ACTR3C: variants seen among roughly 807,000 people sequenced by gnomAD.
ACTR3C encodes actin-related protein 3C.
A neutral mutation model predicts 26.3 loss-of-function variants in ACTR3C; 18 were observed. The observed-to-expected ratio is 0.68, with a 90% CI of 0.47 to 1.01. ACTR3C has a LOEUF of 1.01. ACTR3C is among the 50% of genes least tolerant of loss of function. The probability of loss-of-function intolerance (pLI) is 0.00; values close to 1 mark genes in which losing one functional copy is unlikely to be tolerated. For missense variants in ACTR3C, 184 were observed against 250.7 expected, an observed-to-expected ratio of 0.73 and a Z score of 1.80; for synonymous variants, 55 against 94.5, an observed-to-expected ratio of 0.58 and a Z score of 2.42.
chr7:149,949,180 T>TTG, the ACTR3C span, among the ~76,000 whole-genome samples: 2 of 142,692 alleles, frequency 1.4e-5, no homozygotes, highest in East Asian at 1.9e-4. Flanking sequence ...AGGTATGTGT[T>TTG]TGTGTGTGTA....
chr7:150,312,306 G>C (rs906651268), intron 1 of ACTR3C, among the ~76,000 whole-genome samples: 11 of 152,246 alleles, frequency 7.2e-5, no homozygotes, highest in African/African-American at 2.6e-4. Flanking sequence ...AGGAGACAAA[G>C]ATTATTTTAC....
chr7:150,158,399 C>G, the ACTR3C span, among the ~76,000 whole-genome samples: 1 of 152,144 alleles, frequency 6.6e-6, no homozygotes, highest in South Asian at 2.1e-4. Flanking sequence ...AACTGCACTC[C>G]CATGCTCACT....
chr7:150,043,291 G>T, the ACTR3C span, among the ~76,000 whole-genome samples: 4 of 151,370 alleles, frequency 2.6e-5, no homozygotes, highest in African/African-American at 9.7e-5. Context: ...GCCAGTGGGG[G>T]AAGAGGGGCT....
chr7:149,887,848 C>A, the ACTR3C span, among the ~76,000 whole-genome samples: 1 of 152,172 alleles, frequency 6.6e-6, no homozygotes, highest in Non-Finnish European at 1.5e-5. Flanking sequence ...ATAGTGAATA[C>A]GTCTCAAGAG....
the ACTR3C span, among the ~76,000 whole-genome samples, chr7:149,882,969 C>G: frequency 6.6e-6 from 1 of 152,208 alleles, no homozygotes; most frequent in Non-Finnish European, 1.5e-5. Context: ...CCTGATGATG[C>G]CATTTCAAAG....
the ACTR3C span, among the ~76,000 whole-genome samples, chr7:150,114,551 C>A: frequency 6.6e-6 from 1 of 151,774 alleles, no homozygotes; most frequent in African/African-American, 2.4e-5. Context: ...CCGAGGAAGA[C>A]GTGATTGCAT....
chr7:150,308,064 C>T (rs773192861), intron 1 of ACTR3C, among the ~76,000 whole-genome samples: 26 of 152,092 alleles, frequency 1.7e-4, no homozygotes, highest in South Asian at 1.2e-3. Context: ...CTAATCACTG[C>T]GGGGACGCCT....
chr7:150,148,480 C>T, the ACTR3C span, among the ~76,000 whole-genome samples: 4 of 151,248 alleles, frequency 2.6e-5, no homozygotes, highest in South Asian at 6.3e-4. Context: ...CTGTCTCGGG[C>T]GGAAAAAAAA....
chr7:150,097,377 C>T, the ACTR3C span, among the ~76,000 whole-genome samples: 3 of 151,626 alleles, frequency 2.0e-5, no homozygotes, highest in Admixed American at 6.6e-5. Context: ...TTATTGGGGA[C>T]ACACACATTA....
the ACTR3C span, among the ~76,000 whole-genome samples, chr7:150,198,525 G>A: frequency 3.9e-4 from 57 of 145,098 alleles, 1 homozygote; most frequent in African/African-American, 1.4e-3. Context: ...GAGCGCCTCT[G>A]CCCGGCCGAG....
the ACTR3C span, among the ~76,000 whole-genome samples, chr7:149,924,843 G>T: frequency 2.8e-4 from 43 of 151,970 alleles, no homozygotes; most frequent in African/African-American, 1.0e-3. Flanking sequence ...GGCCAAGCTG[G>T]TCTCAAATTC....
the ACTR3C span, among the ~76,000 whole-genome samples, chr7:149,910,110 G>A: frequency 6.7e-6 from 1 of 149,928 alleles, no homozygotes; most frequent in African/African-American, 2.5e-5. Flanking sequence ...TTAGTGAACT[G>A]CAGAAAAAGA....
the ACTR3C span, among the ~76,000 whole-genome samples, chr7:149,989,110 C>A: frequency 6.6e-6 from 1 of 152,028 alleles, no homozygotes; most frequent in Non-Finnish European, 1.5e-5. Flanking sequence ...AGGCAGAGAC[C>A]AAAAGAACCC....
the ACTR3C span, among the ~76,000 whole-genome samples, chr7:150,079,150 C>G: frequency 1.3e-5 from 2 of 152,134 alleles, no homozygotes; most frequent in East Asian, 3.9e-4. Flanking sequence ...TCTGGGAGTG[C>G]CAGGTCACTT....
chr7:149,888,939 C>T, the ACTR3C span, among the ~76,000 whole-genome samples: 16 of 151,542 alleles, frequency 1.1e-4, no homozygotes, highest in South Asian at 2.7e-3. Context: ...ACCTGGGAGG[C>T]GGAGGTTGCA....
chr7:150,211,657 C>G, the ACTR3C span, among the ~76,000 whole-genome samples: 1 of 150,142 alleles, frequency 6.7e-6, no homozygotes, highest in Non-Finnish European at 1.5e-5. Context: ...ATGTCCTCAG[C>G]TTTCACACAG....
chr7:150,021,306 G>C, the ACTR3C span, among the ~76,000 whole-genome samples: 1 of 151,790 alleles, frequency 6.6e-6, no homozygotes, highest in Non-Finnish European at 1.5e-5. Flanking sequence ...CCTATATATT[G>C]AAACTTTTAA....
the ACTR3C span, among the ~76,000 whole-genome samples, chr7:150,026,163 A>C: frequency 6.6e-6 from 1 of 152,012 alleles, no homozygotes; most frequent in African/African-American, 2.4e-5. Context: ...CCCAATGGTC[A>C]AAAAAATACA....
the ACTR3C span, among the ~76,000 whole-genome samples, chr7:150,010,555 G>T: frequency 1.3e-5 from 2 of 151,946 alleles, no homozygotes; most frequent in South Asian, 2.1e-4. Flanking sequence ...TTAGCCGGGC[G>T]TGGTGATGGG....
Sources: allele counts gnomAD v4.1 joint callset (sites outside exome capture counted in the v4.1 genomes callset), GRCh38; gene constraint gnomAD v4.1.1; transcripts MANE v1.5; gene names NCBI Gene and HGNC (gene_info 2026-07-23, HGNC 2026-07-21).